Variants in SH3KBP1 observed in about 807,000 individuals in gnomAD.
SH3KBP1 encodes SH3 domain containing kinase binding protein 1.
In SH3KBP1, 8 loss-of-function variants were observed where a neutral mutation model predicts 50.1. The observed-to-expected ratio is 0.16, with a 90% CI of 0.09 to 0.29. The LOEUF (loss-of-function observed/expected upper bound fraction) is 0.29, where lower values mean the gene tolerates loss of function less well. Ranked by LOEUF, SH3KBP1 falls within the 10% of genes least tolerant of loss-of-function variation. The pLI is 1.00. For missense variants in SH3KBP1, 377 were observed against 535.2 expected, an observed-to-expected ratio of 0.70 and a Z score of 2.92; for synonymous variants, 227 against 218.6, an observed-to-expected ratio of 1.04 and a Z score of -0.34.
intron 12 of SH3KBP1, among the ~76,000 whole-genome samples, chrX:19,584,255 T>C (rs1235572212): frequency 2.4e-5 from 2 of 83,887 alleles, no homozygotes; most frequent in Non-Finnish European, 4.3e-5. Flanking sequence ...TATATAAATA[T>C]ACAAAATACA....
intron 1 of SH3KBP1, among the ~76,000 whole-genome samples, chrX:19,878,800 C>A (rs1243005722): frequency 9.0e-6 from 1 of 111,385 alleles, no homozygotes; most frequent in Non-Finnish European, 1.9e-5. Flanking sequence ...GTGAATATAC[C>A]CAGTATAACT....
intron 13 of SH3KBP1, among the ~76,000 whole-genome samples, chrX:19,558,519 T>C (rs2065561627): frequency 8.9e-6 from 1 of 112,139 alleles, no homozygotes; most frequent in Non-Finnish European, 1.9e-5. Context: ...CCATCATCCA[T>C]TTTAAAATAT....
intron 2 of SH3KBP1, among the ~76,000 whole-genome samples, chrX:19,809,545 AAGTC>A (rs752551417): frequency 8.4e-4 from 94 of 112,114 alleles, no homozygotes; most frequent in Middle Eastern, 9.2e-3. Context: ...AAGAAAAAAA[AAGTC>A]AGTATCAAGG....
chrX:19,705,055 G>C (rs935598727), intron 4 of SH3KBP1, among the ~76,000 whole-genome samples: 1 of 111,954 alleles, frequency 8.9e-6, no homozygotes, highest in Non-Finnish European at 1.9e-5. Context: ...GTTCTTCTAT[G>C]CCTTGCCAAC....
chrX:19,835,973 A>G, intron 2 of SH3KBP1, 152 bp downstream of exon 2: 2 of 533,957 alleles, frequency 3.7e-6, no homozygotes. Flanking sequence ...CCAGATACCA[A>G]GGGCAAAACT....
intron 2 of SH3KBP1, among the ~76,000 whole-genome samples, chrX:19,816,773 A>C (rs1288476757): frequency 9.0e-6 from 1 of 111,657 alleles, no homozygotes; most frequent in Non-Finnish European, 1.9e-5. Flanking sequence ...GTGCCACTGC[A>C]CTCTAGCCTG....
At chrX:19,841,069 C>T (rs1352523933) in intron 1 of SH3KBP1, among the ~76,000 whole-genome samples, 1 of 112,060 alleles carries the variant, frequency 8.9e-6, no homozygotes, top group African/African-American at 3.2e-5. Flanking sequence ...GTCTCCTCCC[C>T]CAAAGACGAA....
rs774937085 is a variant in SH3KBP1 at position 19,700,422 on chromosome X, C to A, written c.391-4681G>T. Reference sequence around the variant, plus strand: ...ATACAAGCTGATTAGTTTTGACAAACGCCCATTGTAGCCAACACCTCTATT... The same window carrying A: ...ATACAAGCTGATTAGTTTTGACAAAAGCCCATTGTAGCCAACACCTCTATT... On this transcript the variant is annotated intron_variant, in intron 4 of 17. Coordinates refer to ENST00000397821, the MANE Select transcript of SH3KBP1 (RefSeq NM_031892.3). Among the ~76,000 whole-genome samples, 5 of 111,819 alleles carry A rather than the reference C, an allele frequency of 4.5e-5. No individual in the cohort carries two copies. The South Asian group carries it at 1.8e-3, about 41-fold the overall frequency.
intron 7 of SH3KBP1, among the ~76,000 whole-genome samples, chrX:19,634,300 G>T (rs1317272296): frequency 9.1e-6 from 1 of 110,318 alleles, no homozygotes; most frequent in African/African-American, 3.3e-5. Flanking sequence ...TGGTGCTCTT[G>T]AAATCATATT....
rs12688738 is a variant in SH3KBP1, at chrX:19,660,186, T to C, written c.727-14711A>G. Among the ~76,000 whole-genome samples the C allele has an allele frequency of 6.3e-3, 706 of 112,479 alleles. 24 individuals are homozygous for C. The East Asian group carries it at 0.15, about 24-fold the overall frequency. ...TCTTGTGGAAGCTACTTAACCTCTCTGTGCCTCAGTTTTCACTTCTGAAAT... is the reference window on the plus strand; with the variant it reads ...TCTTGTGGAAGCTACTTAACCTCTCCGTGCCTCAGTTTTCACTTCTGAAAT... On this transcript the variant is annotated intron_variant, in intron 6 of 17. Coordinates refer to ENST00000397821, the MANE Select transcript of SH3KBP1 (RefSeq NM_031892.3).
At chrX:19,748,128 C>A (rs2064970562) in intron 2 of SH3KBP1, among the ~76,000 whole-genome samples, 1 of 112,106 alleles carries the variant, frequency 8.9e-6, no homozygotes. Flanking sequence ...GTTGCTCAAA[C>A]CTCATTTTCC....
intron 3 of SH3KBP1, among the ~76,000 whole-genome samples, chrX:19,718,064 A>T (rs1217663730): frequency 9.2e-6 from 1 of 109,250 alleles, no homozygotes; most frequent in African/African-American, 3.3e-5. Context: ...TACGTGTATC[A>T]GTGTGAAAAG....
At chrX:19,595,708 C>T (rs1460827544) in intron 9 of SH3KBP1, among the ~76,000 whole-genome samples, 1 of 110,163 alleles carries the variant, frequency 9.1e-6, no homozygotes, top group Non-Finnish European at 1.9e-5. Context: ...TCCAGAGTAG[C>T]CAGCATTTTC....
chrX:19,734,784 C>T (rs991134243), intron 3 of SH3KBP1, among the ~76,000 whole-genome samples: 3 of 112,045 alleles, frequency 2.7e-5, no homozygotes, highest in African/African-American at 9.7e-5. Flanking sequence ...ATACAATATG[C>T]GGTCTTTTGT....
chrX:19,665,693 G>C (rs745384968), intron 6 of SH3KBP1, among the ~76,000 whole-genome samples: 6 of 111,932 alleles, frequency 5.4e-5, no homozygotes, highest in Non-Finnish European at 1.1e-4. Flanking sequence ...ATGCCACAGA[G>C]AAGTACAAAA....
Position 19,608,000 on chromosome X carries a change from G to A in SH3KBP1, c.943C>T (p.Arg315Ter), listed in dbSNP as rs2067291480. 8.3e-7 allele frequency: 1 copy of A among 1,209,740 alleles called. No individual in the cohort carries two copies. Among genetic ancestry groups the A allele is most frequent in the Admixed American group, 2.2e-5 (1 of 45,757 alleles). ...GWWEGELNGR[R>*]GVFPDNFVKL... ...ACGAAGTTATCGGGGAACACGCCTC[G>A]TCTGCCGTTCAGCTCTCCTTCCCAC... The change falls in exon 9 of 18, where the codon CGA becomes TGA. Residue 315 changes from arginine (R) to a stop codon, truncating the protein, a stop_gained. Transcript: ENST00000397821. LOFTEE classifies it high-confidence loss of function.
intron 8 of SH3KBP1, among the ~76,000 whole-genome samples, chrX:19,610,038 G>A (rs2067364672): frequency 9.0e-6 from 1 of 111,537 alleles, no homozygotes; most frequent in South Asian, 3.7e-4. Context: ...CTTCCTTAGG[G>A]AAGAGAGTGC....
chrX:19,679,450 C>G (rs1315856270), intron 6 of SH3KBP1, among the ~76,000 whole-genome samples: 1 of 112,088 alleles, frequency 8.9e-6, no homozygotes, highest in African/African-American at 3.2e-5. Context: ...CTGAGGCCAA[C>G]TTCATCGAGG....
At chrX:19,873,672 A>AAAAAAT (rs773005026) in intron 1 of SH3KBP1, among the ~76,000 whole-genome samples, 92 of 108,301 alleles carry the variant, frequency 8.5e-4, no homozygotes, top group Non-Finnish European at 1.6e-3. Context: ...ACTCTATCAA[A>AAAAAAT]AAAAATAAAA....
Sources: gnomAD v4.1 joint callset for allele counts (sites outside exome capture counted in the v4.1 genomes callset) on GRCh38, gnomAD v4.1.1 for gene constraint, MANE v1.5 for transcripts, NCBI Gene and HGNC (gene_info 2026-07-23, HGNC 2026-07-21) for gene names.